Variants in RPS6KA4 observed in about 807,000 individuals in gnomAD.
RPS6KA4 encodes ribosomal protein S6 kinase alpha-4.
Under a neutral mutation model 89.6 loss-of-function variants are expected in RPS6KA4, and 38 were observed. The observed-to-expected ratio is 0.42, with a 90% confidence interval of 0.33 to 0.56. RPS6KA4 has a LOEUF of 0.56. Among genes scored for constraint, RPS6KA4 ranks in the 20% least tolerant of loss-of-function variants. The pLI is 0.07. For missense variants in RPS6KA4, 873 were observed against 1,098.8 expected (o/e 0.79, Z 2.90); for synonymous variants, 495 against 492.8 (o/e 1.00, Z -0.06).
In RPS6KA4 at chr11:64,361,625, C is replaced by T. The variant is rs1565068390; in HGVS notation, c.652-17C>T. 6.2e-7 allele frequency: 1 copy of T among 1,613,156 alleles called. No individual in the cohort carries two copies. The highest frequency in any genetic ancestry group is 1.3e-5 in the African/African-American group (1 of 74,944). On this transcript the variant is annotated splice_polypyrimidine_tract_variant and intron_variant, in intron 6 of 16. Coordinates refer to ENST00000334205, the MANE Select transcript of RPS6KA4 (RefSeq NM_003942.3). The surrounding 1 kb of genome is among the most constrained non-coding windows in gnomAD (Gnocchi z 4.7). Reference sequence around the variant, plus strand: ...GGCAGGGGAGATGCAGGCCCTCACCCCGGCTCCACCCGGCAGGCTGTGGAC... The same window carrying T: ...GGCAGGGGAGATGCAGGCCCTCACCTCGGCTCCACCCGGCAGGCTGTGGAC...
At chr11:64,359,317 C>T (rs762768927) in intron 1 of RPS6KA4, 27 bp downstream of exon 1, 12 of 1,602,874 alleles carry the variant, frequency 7.5e-6, no homozygotes, top group Non-Finnish European at 1.0e-5. Context: ...ACTGCGGCTG[C>T]CCGGGGCAGG....
rs991642396 is a variant in RPS6KA4, at chr11:64,371,526, G to A, written c.*46G>A. On this transcript the variant is annotated 3_prime_UTR_variant, in exon 17 of 17. Coordinates refer to ENST00000334205, the MANE Select transcript of RPS6KA4 (RefSeq NM_003942.3). ...TTCCCTCATAGGGGCTGTGACCTGGGAGCCCGGCTCACTCCCGGAGGCCTC... is the reference window on the plus strand; with the variant it reads ...TTCCCTCATAGGGGCTGTGACCTGGAAGCCCGGCTCACTCCCGGAGGCCTC... 1.3e-6 allele frequency: 1 copy of A among 778,490 alleles called. No homozygotes were observed. The highest frequency in any genetic ancestry group is 1.7e-5 in the African/African-American group (1 of 58,178). 48.2% of individuals were successfully genotyped at this position (778,490 alleles called of 1,614,324 possible).
chr11:64,360,865 C>T (rs1591309834), intron 4 of RPS6KA4: 2 of 574,840 alleles, frequency 3.5e-6, no homozygotes, highest in East Asian at 5.8e-5. Context: ...ATGGAAACCT[C>T]ACGGCCTGGC....
chr11:64,361,183 C>T lies in RPS6KA4; in HGVS notation c.512C>T (p.Ser171Phe). ...DLKLENVLLDSEGHIVLTDFG... is the reference protein window; with the variant it reads ...DLKLENVLLDFEGHIVLTDFG... The stretch of plus-strand genomic sequence containing the variant: ...AAACTGGAGAATGTGCTGCTGGACT[C>T]CGAGGGCCACATTGTCCTCACGGAC... Residue 171 changes from serine (S) to phenylalanine (F), a missense_variant, in exon 5 of 17, where the codon TCC becomes TTC. Physicochemically the swap from Ser to Phe is radical, Grantham distance 155. Around this residue, in one of 4 missense-constraint regions of RPS6KA4, gnomAD observed 542 missense variants for 736.4 expected, o/e 0.74. Coordinates refer to ENST00000334205, the MANE Select transcript of RPS6KA4 (RefSeq NM_003942.3). This position sits in a 1 kb window ranked among gnomAD's most constrained non-coding sequence, Gnocchi z 4.7. 3.1e-6 allele frequency: 5 copies of T among 1,613,434 alleles called. No homozygotes were observed. The highest frequency in any genetic ancestry group is 4.2e-6 in the Non-Finnish European group (5 of 1,179,996).
At position 64,361,917 on chromosome 11, in the gene RPS6KA4, A is replaced by G. The variant is rs1449489033; in HGVS notation, c.821A>G (p.Gln274Arg). The G allele has an allele frequency of 6.2e-7, 1 of 1,612,710 alleles. No homozygotes were observed. The highest frequency in any genetic ancestry group is 1.1e-5 in the South Asian group (1 of 91,058). Residue 274 changes from glutamine (Q) to arginine (R), a missense_variant, in exon 8 of 17, where the codon CAG becomes CGG. Transcript: ENST00000334205. The surrounding 1 kb of genome is among the most constrained non-coding windows in gnomAD (Gnocchi z 4.7). ...RIGPVAQDLL[Q>R]RLLCKDPKKR... is the part of the protein sequence containing the mutation. ...GGGCCCGTGGCGCAGGACCTGCTGC[A>G]GCGGCTGCTTTGTAAGGATCCTAAG...
intron 13 of RPS6KA4, 23 bp from the exon 14 acceptor site, chr11:64,369,676 C>T (rs1318062673): frequency 6.2e-7 from 1 of 1,602,236 alleles, no homozygotes; most frequent in Non-Finnish European, 8.5e-7. Context: ...CTGCCTCTGA[C>T]CACTACCCCG....
At chr11:64,360,444 G>A (rs763427646) in intron 3 of RPS6KA4, 33 bp from the exon 4 acceptor site, 1 of 1,597,884 alleles carries the variant, frequency 6.3e-7, no homozygotes, top group South Asian at 1.1e-5. Flanking sequence ...CCACCTGACG[G>A]GGCTGCTTCC....
intron 8 of RPS6KA4, among the ~76,000 whole-genome samples, chr11:64,364,736 CT>C (rs34398206): frequency 0.52 from 63,008 of 121,126 alleles, 15,899 homozygotes; most frequent in Middle Eastern, 0.68. Context: ...CACGCCAACT[CT>C]TTTTTTTTTT....
intron 8 of RPS6KA4, 134 bp downstream of exon 8, chr11:64,362,136 C>T: frequency 9.3e-7 from 1 of 1,076,212 alleles, no homozygotes; most frequent in Non-Finnish European, 1.3e-6. Flanking sequence ...TGTGTGTCAG[C>T]TAGGTTTCTC....
Position 64,369,510 on chromosome 11 carries a change from A to C in RPS6KA4, c.1493A>C (p.Lys498Thr), listed in dbSNP as rs749066246. ...GAGCTGCTGGAGCACATCCGCAAGA[A>C]GCGGCACTTCAGCGAGTCGGAAGCA... is the stretch of plus-strand genomic sequence containing the variant. Reference protein sequence around the residue: ...GGELLEHIRKKRHFSESEASQ... With the variant: ...GGELLEHIRKTRHFSESEASQ... The change falls in exon 13 of 17, where the codon AAG becomes ACG. Residue 498 changes from lysine (K) to threonine (T), a missense_variant. Lys to Thr is a moderately conservative substitution (Grantham distance 78). Transcript: ENST00000334205. The C allele has an allele frequency of 6.2e-7, 1 of 1,610,302 alleles. No individual in the cohort carries two copies. Among genetic ancestry groups the C allele is most frequent in the Admixed American group, 1.7e-5 (1 of 59,864 alleles).
intron 2 of RPS6KA4, 101 bp downstream of exon 2, chr11:64,359,550 C>A (rs573604616): frequency 6.3e-6 from 8 of 1,276,266 alleles, no homozygotes; most frequent in East Asian, 4.9e-5. Context: ...GCAGGCCCCC[C>A]ACCCTTTCCC....
intron 12 of RPS6KA4, among the ~76,000 whole-genome samples, chr11:64,369,062 T>C (rs1285029937): frequency 6.6e-6 from 1 of 151,576 alleles, no homozygotes; most frequent in Non-Finnish European, 1.5e-5. Context: ...GAGGTCGAGG[T>C]GGGCGGATCA....
chr11:64,359,383 C>A lies in RPS6KA4; in HGVS notation c.61C>A (p.Leu21Met). The A allele has an allele frequency of 6.2e-7, 1 of 1,613,600 alleles. No individual in the cohort carries two copies. Among genetic ancestry groups the A allele is most frequent in the South Asian group, 1.1e-5 (1 of 91,044 alleles). ...TTCGCCCCCTGTGCCCACAGCCAAC[C>A]TGACCGGGCACGAGGAGAAGGTGAG... is the stretch of plus-strand genomic sequence containing the variant. ...AVELRITEANLTGHEEKVSVE... is the reference protein window; with the variant it reads ...AVELRITEANMTGHEEKVSVE... Residue 21 changes from leucine (L) to methionine (M), a missense_variant, in exon 2 of 17, where the codon CTG becomes ATG. Leu to Met is a conservative substitution (Grantham distance 15). Around this residue, in one of 4 missense-constraint regions of RPS6KA4, gnomAD observed 49 missense variants for 51.9 expected, o/e 0.94. Transcript: ENST00000334205.
intron 8 of RPS6KA4, among the ~76,000 whole-genome samples, chr11:64,364,541 C>T (rs1319450339): frequency 6.6e-6 from 1 of 152,130 alleles, no homozygotes; most frequent in African/African-American, 2.4e-5. Flanking sequence ...TTTTGGCTCT[C>T]ATAAGTGAAA....
chr11:64,361,362 C>T lies in RPS6KA4; in HGVS notation c.571-107C>T, dbSNP rs2036743311. 6.8e-7 allele frequency: 1 copy of T among 1,473,748 alleles called. No individual in the cohort carries two copies. Among genetic ancestry groups the T allele is most frequent in the Non-Finnish European group, 9.4e-7 (1 of 1,063,124 alleles). The allele number at this position is 1,473,748 out of a possible 1,614,324, so 91.3% of individuals were successfully genotyped here. A position where few individuals can be genotyped will look rare whatever the true frequency, so the allele number is the denominator to read the frequency against. On this transcript the variant is annotated intron_variant, in intron 5 of 16. Coordinates refer to ENST00000334205, the MANE Select transcript of RPS6KA4 (RefSeq NM_003942.3). This position sits in a 1 kb window ranked among gnomAD's most constrained non-coding sequence, Gnocchi z 4.7. ...GAATAGCTCCAAGAAGTTTCCACAGCTCAGCTCTCCAACCTCACAAGTTGA... is the reference window on the plus strand; with the variant it reads ...GAATAGCTCCAAGAAGTTTCCACAGTTCAGCTCTCCAACCTCACAAGTTGA...
intron 2 of RPS6KA4, 51 bp downstream of exon 2, chr11:64,359,500 C>T: frequency 1.3e-6 from 2 of 1,581,438 alleles, no homozygotes; most frequent in Non-Finnish European, 1.7e-6. Flanking sequence ...TGCCCCTGAC[C>T]TCCTGCCTGC....
At chr11:64,371,163 C>A in intron 16 of RPS6KA4, 120 bp from the exon 17 acceptor site, 2 of 875,204 alleles carry the variant, frequency 2.3e-6, no homozygotes, top group Non-Finnish European at 3.6e-6. Flanking sequence ...GTCTGGAGGC[C>A]AAGGCCCTGT....
Position 64,370,926 on chromosome 11 carries a change from A to G in RPS6KA4, c.2121+200A>G, listed in dbSNP as rs911793371. 6.6e-5 allele frequency among the ~76,000 whole-genome samples: 10 copies of G among 152,086 alleles called. No homozygotes were observed. Among genetic ancestry groups the G allele is most frequent in the Non-Finnish European group, 1.3e-4 (9 of 67,954 alleles). ...CGAGACCAGCCTGAACAACATGGTG[A>G]AACCCCGTCTCTTCTAAAAAGAGAA... is the stretch of plus-strand genomic sequence containing the variant. On this transcript the variant is annotated intron_variant, in intron 16 of 16. Transcript: ENST00000334205. The surrounding 1 kb of genome is among the most constrained non-coding windows in gnomAD (Gnocchi z 4.1).
rs1455126251 is a variant in RPS6KA4 at position 64,365,227 on chromosome 11, G to A, written c.907-74G>A. The stretch of plus-strand genomic sequence containing the variant: ...CCTTGCCTCATGGAGGAACTGCCCA[G>A]TGAGGGTGGGCTGAGTGGAGGGAGT... On this transcript the variant is annotated intron_variant, in intron 8 of 16. Transcript: ENST00000334205. The A allele has an allele frequency of 3.9e-6, 6 of 1,534,800 alleles. No individual in the cohort carries two copies. In the East Asian group the frequency reaches 1.4e-4, roughly 35 times the overall value.
Sources: gnomAD v4.1 joint callset for allele counts (sites outside exome capture counted in the v4.1 genomes callset) on GRCh38, gnomAD v4.1.1 for gene constraint, gnomAD v4.1.1 regional missense constraint, Gnocchi (gnomAD v3.1) non-coding constraint, MANE v1.5 for transcripts, NCBI Gene and HGNC (gene_info 2026-07-23, HGNC 2026-07-21) for gene names.